Variants in RBM17 observed in about 807,000 individuals in gnomAD.
RBM17 encodes RNA binding motif protein 17.
In RBM17, 7 loss-of-function variants were observed where a neutral mutation model predicts 53.2. The observed-to-expected ratio is 0.13, with a 90% confidence interval of 0.07 to 0.25. RBM17 has a LOEUF of 0.25. Among genes scored for constraint, RBM17 ranks in the 10% least tolerant of loss-of-function variants. RBM17 has a pLI of 1.00. For missense variants in RBM17, 257 were observed against 496.7 expected (o/e 0.52, Z 4.59); for synonymous variants, 167 against 178.1 (o/e 0.94, Z 0.50).
At position 6,116,295 on chromosome 10, in the gene RBM17, G is replaced by GC; in HGVS notation, c.*740dup. The GC allele has an allele frequency of 6.6e-6, 1 of 152,310 alleles. No homozygotes were observed. Among genetic ancestry groups the GC allele is most frequent in the African/African-American group, 2.4e-5 (1 of 41,430 alleles). The allele number at this position is 152,310 out of a possible 1,614,324, so 9.4% of individuals were successfully genotyped here. On this transcript the variant is annotated 3_prime_UTR_variant, in exon 12 of 12. Coordinates refer to ENST00000379888, the MANE Select transcript of RBM17 (RefSeq NM_032905.5). ...AAATGACAAATGAATTCAAAACCTA[G>GC]CAGGTGCATTGTAAATGTGTGCCCA...
intron 1 of RBM17, among the ~76,000 whole-genome samples, chr10:6,094,066 C>G (rs977068528): frequency 3.4e-5 from 5 of 145,946 alleles, no homozygotes; most frequent in African/African-American, 7.6e-5. Flanking sequence ...GCTCTGCCTT[C>G]TGGGTTCACG....
In RBM17 at chr10:6,112,591, A is replaced by G. The variant is rs1308218451; in HGVS notation, c.856+230A>G. 3.7e-6 allele frequency: 2 copies of G among 544,414 alleles called. No homozygotes were observed. Among genetic ancestry groups the G allele is most frequent in the African/African-American group, 1.9e-5 (1 of 52,566 alleles). The allele number at this position is 544,414 out of a possible 1,614,324, so 33.7% of individuals were successfully genotyped here. On this transcript the variant is annotated intron_variant, in intron 8 of 11. Transcript: ENST00000379888. This position sits in a 1 kb window ranked among gnomAD's most constrained non-coding sequence, Gnocchi z 4.4. Reference sequence around the variant, plus strand: ...TGAGGCTCATCTTTATTTTTTCAGAACAGACGTAGAGAGATGAAGGCTTGT... The same window carrying G: ...TGAGGCTCATCTTTATTTTTTCAGAGCAGACGTAGAGAGATGAAGGCTTGT...
In RBM17 at chr10:6,112,528, GA is replaced by G. The variant is rs1840856083; in HGVS notation, c.856+168del. 4.1e-6 allele frequency: 3 copies of G among 737,352 alleles called. No individual in the cohort carries two copies. The allele number at this position is 737,352 out of a possible 1,614,324, so 45.7% of individuals were successfully genotyped here. ...AGAACACAGGCCGTCCTGTTCATAT[GA>G]TGCACTGCCACTTCCGTTTTGTGAA... On this transcript the variant is annotated intron_variant, in intron 8 of 11. Transcript: ENST00000379888. The surrounding 1 kb of genome is among the most constrained non-coding windows in gnomAD (Gnocchi z 4.4).
rs1055633435 is a variant in RBM17 at position 6,093,189 on chromosome 10, C to T, written c.-18-3859C>T. On this transcript the variant is annotated intron_variant, in intron 1 of 11. Transcript: ENST00000379888. ...TGGGGGTTACTTCCTTCCCTTATTC[C>T]CCAGTGCTGCCTCTTTGCCTATTTA... 3.9e-5 allele frequency among the ~76,000 whole-genome samples: 6 copies of T among 152,188 alleles called. No individual in the cohort carries two copies. The South Asian group carries it at 1.2e-3, about 32-fold the overall frequency.
rs1432017574 is a variant in RBM17 at position 6,113,592 on chromosome 10, G to A, written c.930+11G>A. On this transcript the variant is annotated intron_variant, in intron 9 of 11. Transcript: ENST00000379888. ...GTGGTCTTACTAAGGGTAAGAAGCT[G>A]AGGAAAGCAAGCTCTCTGCCTGCCT... is the stretch of plus-strand genomic sequence containing the variant. 2 of 1,585,974 alleles carry A rather than the reference G, an allele frequency of 1.3e-6. No homozygotes were observed. The highest frequency in any genetic ancestry group is 3.3e-5 in the Admixed American group (2 of 59,832).
At chr10:6,100,406 T>G (rs1160419231) in intron 2 of RBM17, among the ~76,000 whole-genome samples, 2 of 152,208 alleles carry the variant, frequency 1.3e-5, no homozygotes, top group African/African-American at 4.8e-5. Context: ...TGTTCCTGCC[T>G]AAAAGCTTTA....
intron 3 of RBM17, among the ~76,000 whole-genome samples, chr10:6,101,900 G>A (rs529355225): frequency 2.0e-5 from 3 of 152,284 alleles, no homozygotes; most frequent in South Asian, 2.1e-4. Flanking sequence ...AACAGAGAAA[G>A]GGGTTTTAAA....
In RBM17 at chr10:6,104,916, T is replaced by G; in HGVS notation, c.241-15T>G. On this transcript the variant is annotated splice_polypyrimidine_tract_variant and intron_variant, in intron 3 of 11. Coordinates refer to ENST00000379888, the MANE Select transcript of RBM17 (RefSeq NM_032905.5). The stretch of plus-strand genomic sequence containing the variant: ...ATATAAAGAGGATTCTTACTGCTGT[T>G]TTTACCTTCCTCAGGATCCTGTTCC... The G allele has an allele frequency of 6.2e-7, 1 of 1,611,436 alleles. No homozygotes were observed. Among genetic ancestry groups the G allele is most frequent in the Non-Finnish European group, 8.5e-7 (1 of 1,178,290 alleles).
rs545371322 is a variant in RBM17, at chr10:6,115,457, T to C, written c.1107T>C (p.Val369=). 1 of 1,611,820 alleles carries C rather than the reference T, an allele frequency of 6.2e-7. No homozygotes were observed. The highest frequency in any genetic ancestry group is 8.5e-7 in the Non-Finnish European group (1 of 1,177,850). Residue 369 remains valine, a synonymous_variant, in exon 12 of 12, where the codon GTT becomes GTC. Coordinates refer to ENST00000379888, the MANE Select transcript of RBM17 (RefSeq NM_032905.5). ...TGTCTTTTGTTTGCCTTTCAGCGGT[T>C]GTTGACTTGAATGGGAGGTATTTTG... ...FERVESAIKA[V]VDLNGRYFGG...
chr10:6,112,107 G>A lies in RBM17; in HGVS notation c.705-103G>A. 1.7e-6 allele frequency: 2 copies of A among 1,190,722 alleles called. No individual in the cohort carries two copies. The highest frequency in any genetic ancestry group is 1.4e-5 in the South Asian group (1 of 71,582). The allele number at this position is 1,190,722 out of a possible 1,614,324, so 73.8% of individuals were successfully genotyped here. Reference sequence around the variant, plus strand: ...GTGACTTTGTTGAAGCCCCTGTGGAGCATGCACTCTCTCCAGAAGGAGGTT... The same window carrying A: ...GTGACTTTGTTGAAGCCCCTGTGGAACATGCACTCTCTCCAGAAGGAGGTT... On this transcript the variant is annotated intron_variant, in intron 7 of 11. Transcript: ENST00000379888. This position sits in a 1 kb window ranked among gnomAD's most constrained non-coding sequence, Gnocchi z 4.4.
At chr10:6,090,783 AT>A (rs1334417936) in intron 1 of RBM17, among the ~76,000 whole-genome samples, 1 of 151,994 alleles carries the variant, frequency 6.6e-6, no homozygotes, top group Non-Finnish European at 1.5e-5. Flanking sequence ...AGCCTATGGC[AT>A]TTTGGTAACA....
chr10:6,106,017 C>A, intron 4 of RBM17, 124 bp from the exon 5 acceptor site: 1 of 648,356 alleles, frequency 1.5e-6, no homozygotes, highest in Non-Finnish European at 2.8e-6. Context: ...CCCCTCTACC[C>A]CTGCAACTTC....
intron 1 of RBM17, among the ~76,000 whole-genome samples, chr10:6,092,333 C>T (rs964308834): frequency 2.0e-5 from 3 of 152,004 alleles, no homozygotes; most frequent in African/African-American, 7.2e-5. Flanking sequence ...TATTAATGTA[C>T]TTATTACATT....
intron 1 of RBM17, among the ~76,000 whole-genome samples, chr10:6,095,487 T>TA (rs1428659173): frequency 1.7e-4 from 26 of 152,174 alleles, no homozygotes; most frequent in African/African-American, 6.0e-4. Context: ...GTGCTGGGAT[T>TA]ACAGGCGTGA....
chr10:6,099,110 T>G (rs915368768), intron 2 of RBM17, among the ~76,000 whole-genome samples: 6 of 152,112 alleles, frequency 3.9e-5, no homozygotes, highest in African/African-American at 1.2e-4. Context: ...AAAAGTACAT[T>G]TATAAAATCT....
chr10:6,104,928 C>T lies in RBM17; in HGVS notation c.241-3C>T, dbSNP rs1481527268. On this transcript the variant is annotated splice_region_variant and splice_polypyrimidine_tract_variant and intron_variant, in intron 3 of 11. Transcript: ENST00000379888. ...TTCTTACTGCTGTTTTTACCTTCCT[C>T]AGGATCCTGTTCCCAGTGGGTTTTC... 1.2e-5 allele frequency: 19 copies of T among 1,612,150 alleles called. No individual in the cohort carries two copies. In the Admixed American group the frequency reaches 2.2e-4, roughly 18 times the overall value.
chr10:6,102,252 G>A (rs1045164888), intron 3 of RBM17, among the ~76,000 whole-genome samples: 2 of 152,282 alleles, frequency 1.3e-5, no homozygotes, highest in Non-Finnish European at 1.5e-5. Context: ...AGCAAGGCGC[G>A]CCTGTCCTCC....
At chr10:6,105,133 T>C (rs199590186) in intron 4 of RBM17, 36 bp downstream of exon 4, 73 of 1,592,756 alleles carry the variant, frequency 4.6e-5, no homozygotes, top group Middle Eastern at 1.7e-4. Context: ...TATTTTACAG[T>C]TGAAATGTTC....
chr10:6,115,198 T>C lies in RBM17; in HGVS notation c.1030-41T>C. 3 of 1,517,506 alleles carry C rather than the reference T, an allele frequency of 2.0e-6. No homozygotes were observed. In the African/African-American group the frequency reaches 4.2e-5, roughly 21 times the overall value. The allele number at this position is 1,517,506 out of a possible 1,614,324, so 94.0% of individuals were successfully genotyped here. A position where few individuals can be genotyped will look rare whatever the true frequency, so the allele number is the denominator to read the frequency against. ...AAAAGAGAAAACTCATTCAATGCAA[T>C]CTCAAATGCCTTTACTCATCACGCT... On this transcript the variant is annotated intron_variant, in intron 10 of 11. Coordinates refer to ENST00000379888, the MANE Select transcript of RBM17 (RefSeq NM_032905.5).
Sources: allele counts gnomAD v4.1 joint callset (sites outside exome capture counted in the v4.1 genomes callset), GRCh38; gene constraint gnomAD v4.1.1; non-coding constraint Gnocchi (gnomAD v3.1); transcripts MANE v1.5; gene names NCBI Gene and HGNC (gene_info 2026-07-23, HGNC 2026-07-21).